Variants in TTC21B observed in about 807,000 individuals in gnomAD.
TTC21B encodes tetratricopeptide repeat domain 21B.
Under a neutral mutation model 175.1 loss-of-function variants are expected in TTC21B, and 127 were observed. The ratio of observed to expected loss-of-function variants is 0.73; its 90% CI spans 0.63 to 0.84. TTC21B has a LOEUF of 0.84. TTC21B is among the 40% of genes least tolerant of loss of function. The pLI is 0.00. For synonymous variants in TTC21B, 524 were observed against 524.5 expected (o/e 1.00, Z 0.01); for missense variants, 1,561 against 1,558.3 (o/e 1.00, Z -0.03).
intron 28 of TTC21B, among the ~76,000 whole-genome samples, chr2:165,875,231 G>A (rs553866925): frequency 2.6e-5 from 4 of 151,634 alleles, no homozygotes; most frequent in South Asian, 4.1e-4. Flanking sequence ...TGAGACATAC[G>A]TATTTCTAGT....
Position 165,899,844 on chromosome 2 carries a change from C to T in TTC21B, c.2794G>A (p.Asp932Asn). 6.2e-7 allele frequency: 1 copy of T among 1,613,966 alleles called. No homozygotes were observed. Among genetic ancestry groups the T allele is most frequent in the Non-Finnish European group, 8.5e-7 (1 of 1,179,892 alleles). Residue 932 changes from aspartate (D) to asparagine (N), a missense_variant, in exon 21 of 29, where the codon GAT becomes AAT. By Grantham distance (23) the Asp-to-Asn change is conservative (BLOSUM62 1). Coordinates refer to ENST00000243344, the MANE Select transcript of TTC21B (RefSeq NM_024753.5). ...LELARLYLAQDDPDSCLRQCA... is the reference protein window; with the variant it reads ...LELARLYLAQNDPDSCLRQCA... The stretch of plus-strand genomic sequence containing the variant: ...TGCCGCAGGCAGGAATCAGGGTCAT[C>T]TTGTGCCAGGTATAATCGTGCCAGT...
intron 21 of TTC21B, 34 bp from the exon 22 acceptor site, chr2:165,898,801 C>T (rs1312770848): frequency 2.3e-6 from 3 of 1,325,194 alleles, no homozygotes; most frequent in Non-Finnish European, 1.1e-6. Context: ...AAAAATATTG[C>T]CATGTATTTT....
intron 10 of TTC21B, 47 bp from the exon 11 acceptor site, chr2:165,929,382 C>T: frequency 6.9e-7 from 1 of 1,442,750 alleles, no homozygotes; most frequent in Non-Finnish European, 9.6e-7. Flanking sequence ...AGTTATAAAG[C>T]CATTTATTTC....
chr2:165,922,861 A>T (rs547761420), intron 12 of TTC21B, among the ~76,000 whole-genome samples: 1 of 152,338 alleles, frequency 6.6e-6, no homozygotes, highest in Admixed American at 6.5e-5. Flanking sequence ...TGAGTGGACA[A>T]ATAAAATGTG....
chr2:165,945,343 C>G (rs1318014450), intron 4 of TTC21B, among the ~76,000 whole-genome samples, 181 bp downstream of exon 4: 3 of 152,080 alleles, frequency 2.0e-5, no homozygotes, highest in Non-Finnish European at 4.4e-5. Context: ...TTAGAGAATT[C>G]CTATTCTACA....
chr2:165,880,072 G>A (rs1188423155), intron 27 of TTC21B: 3 of 153,722 alleles, frequency 2.0e-5, no homozygotes, highest in African/African-American at 7.2e-5. Context: ...CAAACATGAG[G>A]ATGAGCTCCC....
At chr2:165,906,845 C>T (rs1032355505) in intron 19 of TTC21B, among the ~76,000 whole-genome samples, 1 of 150,436 alleles carries the variant, frequency 6.6e-6, no homozygotes, top group Non-Finnish European at 1.5e-5. Flanking sequence ...ATCCCAGCAA[C>T]TCAGGAGGCT....
chr2:165,920,265 G>T (rs1235381648), intron 12 of TTC21B, among the ~76,000 whole-genome samples: 1 of 152,106 alleles, frequency 6.6e-6, no homozygotes, highest in Non-Finnish European at 1.5e-5. Context: ...ATGATTTTCT[G>T]TTCATTTATG....
At chr2:165,899,986 AT>A in intron 20 of TTC21B, 106 bp from the exon 21 acceptor site, 1 of 678,674 alleles carries the variant, frequency 1.5e-6, no homozygotes, top group Non-Finnish European at 2.7e-6. Context: ...AGTCATTGCA[AT>A]AAAATGCCAA....
chr2:165,917,301 T>C lies in TTC21B; in HGVS notation c.1855A>G (p.Ile619Val), dbSNP rs1686211306. Residue 619 changes from isoleucine to valine, a missense_variant, in exon 14 of 29, where the codon ATC (isoleucine) becomes GTC (valine). By Grantham distance (29) the Ile-to-Val change is conservative. Coordinates refer to ENST00000243344, the MANE Select transcript of TTC21B (RefSeq NM_024753.5). The part of the protein sequence containing the change: ...TEVDTSHRLS[I>V]FLELIDVHRL... ...TGAACGTCTATCAATTCAAGAAAGA[T>C]CGATAAACGATGGCTTGTATCAACT... is the stretch of plus-strand genomic sequence containing the variant. The C allele has an allele frequency of 1.2e-6, 2 of 1,614,096 alleles. No homozygotes were observed. The highest frequency in any genetic ancestry group is 1.7e-6 in the Non-Finnish European group (2 of 1,180,044).
At chr2:165,903,037 C>A (rs1479732376) in intron 19 of TTC21B, among the ~76,000 whole-genome samples, 1 of 152,198 alleles carries the variant, frequency 6.6e-6, no homozygotes, top group Non-Finnish European at 1.5e-5. Context: ...TGGCCCTACA[C>A]TGTTTTACAT....
chr2:165,902,134 A>G (rs1685589914), intron 19 of TTC21B, among the ~76,000 whole-genome samples: 1 of 152,208 alleles, frequency 6.6e-6, no homozygotes, highest in Non-Finnish European at 1.5e-5. Flanking sequence ...GGAATTACTG[A>G]GTCTTTTCCC....
rs1553511255 is a variant in TTC21B at position 165,914,654 on chromosome 2, A to AGTGTGTGTGTGTGTGTGT, written c.2138+546_2138+547insACACACACACACACACAC. ...TCTGTTTGGGGAGAAGAGGAAGAGC[A>AGTGTGTGTGTGTGTGTGT]ATCTGTGTGTGTGTGTGTGTGTGTG... is the stretch of plus-strand genomic sequence containing the variant. On this transcript the variant is annotated intron_variant, in intron 15 of 28. Transcript: ENST00000243344. Among the ~76,000 whole-genome samples the AGTGTGTGTGTGTGTGTGT allele has an allele frequency of 1.2e-3, 21 of 17,100 alleles. No individual in the cohort carries two copies. In the South Asian group the frequency reaches 0.03, roughly 24 times the overall value. The allele number at this position is 17,100 out of a possible 152,430, so 11.2% of individuals were successfully genotyped here. A position where few individuals can be genotyped will look rare whatever the true frequency, so the allele number is the denominator to read the frequency against.
intron 25 of TTC21B, 110 bp downstream of exon 25, chr2:165,888,169 A>T: frequency 1.1e-6 from 1 of 877,784 alleles, no homozygotes; most frequent in South Asian, 1.5e-5. Flanking sequence ...TTTTTAATAA[A>T]AGTTAAGTAA....
At chr2:165,902,159 T>C (rs757344112) in intron 19 of TTC21B, among the ~76,000 whole-genome samples, 8 of 152,306 alleles carry the variant, frequency 5.3e-5, no homozygotes, top group South Asian at 2.1e-4. Context: ...TTACAACATG[T>C]GTATAGGAAG....
chr2:165,880,830 A>G (rs778582107), intron 26 of TTC21B, 31 bp from the exon 27 acceptor site: 3 of 1,605,888 alleles, frequency 1.9e-6, no homozygotes, highest in Non-Finnish European at 2.6e-6. Context: ...TCAATAGATT[A>G]AACTTGATAT....
intron 17 of TTC21B, 44 bp from the exon 18 acceptor site, chr2:165,911,509 T>A: frequency 1.2e-6 from 2 of 1,611,024 alleles, no homozygotes; most frequent in Non-Finnish European, 1.7e-6. Flanking sequence ...GCAATGAGAA[T>A]GGCATTCAAG....
chr2:165,919,827 AT>A (rs760010617), intron 12 of TTC21B, among the ~76,000 whole-genome samples: 5 of 152,196 alleles, frequency 3.3e-5, no homozygotes, highest in Admixed American at 6.5e-5. Context: ...TGTGTCACTT[AT>A]GTTAACAAAG....
At chr2:165,890,749 ATT>A in intron 23 of TTC21B, 87 bp downstream of exon 23, 1 of 1,517,510 alleles carries the variant, frequency 6.6e-7, no homozygotes, top group Non-Finnish European at 9.0e-7. Context: ...TGAAATGTAC[ATT>A]TTTTTTTACT....
Sources: allele counts gnomAD v4.1 joint callset (sites outside exome capture counted in the v4.1 genomes callset), GRCh38; gene constraint gnomAD v4.1.1; transcripts MANE v1.5; gene names NCBI Gene and HGNC (gene_info 2026-07-23, HGNC 2026-07-21).